Variants in ARSB observed in about 807,000 individuals in gnomAD.
ARSB encodes the protein N-acetylgalactosamine-4-sulfatase.
A neutral mutation model predicts 50.9 loss-of-function variants in ARSB; 41 were observed. That is an observed-to-expected ratio of 0.81 (90% CI 0.63 to 1.04). The LOEUF (loss-of-function observed/expected upper bound fraction) is 1.04, where lower values mean the gene tolerates loss of function less well. Among genes scored for constraint, ARSB ranks in the 50% least tolerant of loss-of-function variants. The probability of loss-of-function intolerance (pLI) is 0.00; values close to 1 mark genes in which losing one functional copy is unlikely to be tolerated. For missense variants in ARSB, 672 were observed against 693.3 expected (o/e 0.97, Z 0.35); for synonymous variants, 269 against 284.8 (o/e 0.94, Z 0.56).
Position 78,782,052 on chromosome 5 carries a change from C to A in ARSB, c.1214-78G>T. The A allele has an allele frequency of 3.2e-6, 5 of 1,575,960 alleles. No individual in the cohort carries two copies. In the South Asian group the frequency reaches 4.5e-5, roughly 14 times the overall value. On this transcript the variant is annotated intron_variant, in intron 6 of 7. Transcript: ENST00000264914. ...TATAAATCAGCATTTTATACCCTTG[C>A]AGAACAGTAGCTTTTATTCAACACT...
intron 6 of ARSB, among the ~76,000 whole-genome samples, chr5:78,786,442 C>CTACGAGTAAT (rs1329605444): frequency 6.6e-6 from 1 of 152,040 alleles, no homozygotes; most frequent in Non-Finnish European, 1.5e-5. Context: ...TACTTTTTGG[C>CTACGAGTAAT]GACTACGAGT....
rs745782079 is a variant in ARSB, at chr5:78,985,080, A to C, written c.169T>G (p.Trp57Gly). 4 of 1,535,250 alleles carry C rather than the reference A, an allele frequency of 2.6e-6. No individual in the cohort carries two copies. The South Asian group carries it at 4.8e-5, about 19-fold the overall frequency. Residue 57 changes from tryptophan (W) to glycine (G), a missense_variant, in exon 1 of 8, where the codon TGG becomes GGG. Coordinates refer to ENST00000264914, the MANE Select transcript of ARSB (RefSeq NM_000046.5). The part of the protein sequence containing the change: ...LVFLLADDLG[W>G]NDVGFHGSRI... ...GAGCCGTGGAAGCCGACGTCGTTCCAGCCTAGGTCGTCTGCCAGCAAGAAG... is the reference window on the plus strand; with the variant it reads ...GAGCCGTGGAAGCCGACGTCGTTCCCGCCTAGGTCGTCTGCCAGCAAGAAG...
intron 4 of ARSB, among the ~76,000 whole-genome samples, chr5:78,936,643 G>A (rs1414721785): frequency 6.6e-6 from 1 of 152,126 alleles, no homozygotes; most frequent in Non-Finnish European, 1.5e-5. Context: ...GGTCTCACTG[G>A]TGCCTGCTAA....
chr5:78,969,750 G>A (rs73130126), intron 1 of ARSB, among the ~76,000 whole-genome samples: 5,069 of 152,082 alleles, frequency 0.033, 260 homozygotes, highest in African/African-American at 0.11. Context: ...CTGAGTAGCT[G>A]GGATTACAGG....
At chr5:78,942,014 G>A (rs1003363617) in intron 4 of ARSB, among the ~76,000 whole-genome samples, 1 of 152,030 alleles carries the variant, frequency 6.6e-6, no homozygotes, top group Non-Finnish European at 1.5e-5. Context: ...GTCTTGGGAG[G>A]GTGTATGTAT....
intron 4 of ARSB, among the ~76,000 whole-genome samples, chr5:78,949,080 C>A (rs1580112723): frequency 6.6e-6 from 1 of 152,198 alleles, no homozygotes; most frequent in South Asian, 2.1e-4. Flanking sequence ...TTGAAAATTG[C>A]ATTTTTAACA....
At chr5:78,844,521 T>A (rs2112009809) in intron 5 of ARSB, among the ~76,000 whole-genome samples, 1 of 152,288 alleles carries the variant, frequency 6.6e-6, no homozygotes, top group Middle Eastern at 3.4e-3. Flanking sequence ...AATATCATTT[T>A]GAGAATAAAA....
intron 5 of ARSB, among the ~76,000 whole-genome samples, chr5:78,867,822 G>C (rs1343072948): frequency 6.6e-6 from 1 of 150,518 alleles, no homozygotes; most frequent in Non-Finnish European, 1.5e-5. Context: ...GAATGATTTT[G>C]ACGAGCTGAG....
chr5:78,892,553 G>A (rs575599814), intron 4 of ARSB, among the ~76,000 whole-genome samples: 1 of 152,266 alleles, frequency 6.6e-6, no homozygotes, highest in South Asian at 2.1e-4. Context: ...ACCACGCCCA[G>A]CCTGCATTCT....
At chr5:78,945,752 C>T (rs1411051075) in intron 4 of ARSB, among the ~76,000 whole-genome samples, 2 of 152,304 alleles carry the variant, frequency 1.3e-5, no homozygotes, top group African/African-American at 4.8e-5. Flanking sequence ...GCAGACCCCC[C>T]TCCAGGACTG....
intron 5 of ARSB, among the ~76,000 whole-genome samples, chr5:78,879,122 G>C (rs1747626010): frequency 6.6e-6 from 1 of 152,306 alleles, no homozygotes; most frequent in African/African-American, 2.4e-5. Context: ...CCATAGTGCT[G>C]GGATTATAGG....
intron 5 of ARSB, among the ~76,000 whole-genome samples, chr5:78,866,743 G>T (rs186187283): frequency 6.6e-6 from 1 of 152,318 alleles, no homozygotes; most frequent in African/African-American, 2.4e-5. Context: ...CATGGCCAAA[G>T]ATCAGGGTTC....
rs936241596 is a variant in ARSB, at chr5:78,780,250, G to T, written c.*147C>A. 9.2e-5 allele frequency: 93 copies of T among 1,014,496 alleles called. No homozygotes were observed. The Admixed American group carries it at 1.8e-3, about 20-fold the overall frequency. 62.8% of individuals were successfully genotyped at this position (1,014,496 alleles called of 1,614,324 possible). The stretch of plus-strand genomic sequence containing the variant: ...TTTTATCAGCTTCTTAAATGCATTA[G>T]GGGTTGAAATTAGACACCTCGGTGT... On this transcript the variant is annotated 3_prime_UTR_variant, in exon 8 of 8. Coordinates refer to ENST00000264914, the MANE Select transcript of ARSB (RefSeq NM_000046.5).
At chr5:78,956,639 G>A (rs945324878) in intron 3 of ARSB, among the ~76,000 whole-genome samples, 1 of 152,110 alleles carries the variant, frequency 6.6e-6, no homozygotes, top group African/African-American at 2.4e-5. Context: ...AATAATATCA[G>A]TAATGGCAAC....
intron 3 of ARSB, among the ~76,000 whole-genome samples, chr5:78,959,930 T>G (rs1271548481): frequency 2.0e-5 from 3 of 152,212 alleles, no homozygotes; most frequent in Non-Finnish European, 4.4e-5. Flanking sequence ...TGTGAACAGC[T>G]GTGGTCAATT....
rs181406599 is a variant in ARSB at position 78,885,968 on chromosome 5, T to C, written c.899-141A>G. On this transcript the variant is annotated intron_variant, in intron 4 of 7. Coordinates refer to ENST00000264914, the MANE Select transcript of ARSB (RefSeq NM_000046.5). ...ATTCCTTGCCTTTTCCCACCCTAAA[T>C]TCCCTTTTCCCATTGACATAGCCTT... is the stretch of plus-strand genomic sequence containing the variant. 2.0e-5 allele frequency: 27 copies of C among 1,324,106 alleles called. No homozygotes were observed. In the African/African-American group the frequency reaches 4.0e-4, roughly 19 times the overall value. The allele number at this position is 1,324,106 out of a possible 1,614,324, so 82.0% of individuals were successfully genotyped here. A position where few individuals can be genotyped will look rare whatever the true frequency, so the allele number is the denominator to read the frequency against.
At chr5:78,967,499 C>T (rs1752256287) in intron 2 of ARSB, among the ~76,000 whole-genome samples, 1 of 151,794 alleles carries the variant, frequency 6.6e-6, no homozygotes, top group African/African-American at 2.4e-5. Flanking sequence ...ATGGTGAAAC[C>T]CTATCTCTAC....
intron 4 of ARSB, among the ~76,000 whole-genome samples, chr5:78,923,942 GC>G (rs1749938249): frequency 2.0e-5 from 3 of 152,310 alleles, no homozygotes; most frequent in African/African-American, 7.2e-5. Flanking sequence ...GGCCTGCCCA[GC>G]CCTTATGAAC....
rs200602589 is a variant in ARSB, at chr5:78,881,422, CA to C, written c.1142+4161del. On this transcript the variant is annotated intron_variant, in intron 5 of 7. Coordinates refer to ENST00000264914, the MANE Select transcript of ARSB (RefSeq NM_000046.5). Reference sequence around the variant, plus strand: ...AGAAGACATAAACAAAATAAAAAGACAAAAAAAAAGGAAAAATATTTGCAAG... The same window carrying C: ...AGAAGACATAAACAAAATAAAAAGACAAAAAAAAGGAAAAATATTTGCAAG... Among the ~76,000 whole-genome samples, 310 of 147,446 alleles carry C rather than the reference CA, an allele frequency of 2.1e-3. 6 individuals are homozygous for C. The highest frequency in any genetic ancestry group is 0.016 in the Admixed American group (235 of 14,876).
Sources: gnomAD v4.1 joint callset for allele counts (sites outside exome capture counted in the v4.1 genomes callset) on GRCh38, gnomAD v4.1.1 for gene constraint, MANE v1.5 for transcripts, NCBI Gene and HGNC (gene_info 2026-07-23, HGNC 2026-07-21) for gene names.